MAST4: variants seen among roughly 807,000 people sequenced by gnomAD.
MAST4 encodes the protein microtubule associated serine/threonine kinase family member 4.
A neutral mutation model predicts 162.7 loss-of-function variants in MAST4; 89 were observed. That is an observed-to-expected ratio of 0.55 (90% CI 0.46 to 0.65). The LOEUF (loss-of-function observed/expected upper bound fraction) is 0.65. Ranked by LOEUF, MAST4 falls within the 30% of genes least tolerant of loss-of-function variation. The pLI is 0.00. For synonymous variants in MAST4, 1,479 were observed against 1,361.1 expected (o/e 1.09, Z -1.91); for missense variants, 3,153 against 3,374.0 (o/e 0.93, Z 1.62).
chr5:67,102,601 G>A lies in MAST4; in HGVS notation c.1136G>A (p.Arg379Lys). The change falls in exon 9 of 29, where the codon AGG becomes AAG. Residue 379 changes from arginine (R) to lysine (K), a missense_variant. This residue lies in a region of MAST4 where 360 missense variants were observed against 450.0 expected (regional missense o/e 0.80). Coordinates refer to ENST00000403625, the MANE Select transcript of MAST4 (RefSeq NM_001164664.2). Reference protein sequence around the residue: ...IIMMNHVYKERFPKATAQMEE... With the variant: ...IIMMNHVYKEKFPKATAQMEE... The stretch of plus-strand genomic sequence containing the variant: ...ATGATGAACCATGTCTACAAAGAAA[G>A]GTTCCCAAAGGTAATGAATTGAATT... The A allele has an allele frequency of 6.2e-7, 1 of 1,613,212 alleles. No homozygotes were observed. Among genetic ancestry groups the A allele is most frequent in the East Asian group, 2.2e-5 (1 of 44,884 alleles).
intron 5 of MAST4, among the ~76,000 whole-genome samples, chr5:67,075,743 T>C (rs995390019): frequency 6.6e-6 from 1 of 152,334 alleles, no homozygotes; most frequent in East Asian, 1.9e-4. Context: ...AAGCACTCCC[T>C]TAGGCATTAT....
chr5:67,162,511 C>A, intron 27 of MAST4, 96 bp from the exon 28 acceptor site: 1 of 1,123,270 alleles, frequency 8.9e-7, no homozygotes, highest in South Asian at 1.5e-5. Flanking sequence ...ATCCCTGTCC[C>A]TCACACGGAG....
chr5:66,981,850 C>A (rs538751478), intron 4 of MAST4, among the ~76,000 whole-genome samples: 1 of 152,270 alleles, frequency 6.6e-6, no homozygotes, highest in South Asian at 2.1e-4. Context: ...TCAGTTGGCT[C>A]AGTAATTGTT....
chr5:67,058,434 T>G (rs1179796278), intron 5 of MAST4, among the ~76,000 whole-genome samples: 1 of 152,244 alleles, frequency 6.6e-6, no homozygotes, highest in Non-Finnish European at 1.5e-5. Flanking sequence ...TTTATCTTAC[T>G]GATATTCTCA....
At chr5:66,847,716 G>A (rs552595478) in intron 3 of MAST4, among the ~76,000 whole-genome samples, 2 of 149,842 alleles carry the variant, frequency 1.3e-5, no homozygotes, top group East Asian at 4.0e-4. Context: ...AGCTACTTGG[G>A]AGGCTGAGGC....
rs377376456 is a variant in MAST4, at chr5:66,717,615, C to T, written c.364-42094C>T. On this transcript the variant is annotated intron_variant, in intron 1 of 28. Coordinates refer to ENST00000403625, the MANE Select transcript of MAST4 (RefSeq NM_001164664.2). ...AAGGCTTTCAGAAATGAGTTTCTCA[C>T]TCCACTTGAAGTGGCTTTGCTACTG... Among the ~76,000 whole-genome samples the T allele has an allele frequency of 9.2e-5, 14 of 152,320 alleles. 1 individual carries two copies. In the East Asian group the frequency reaches 2.3e-3, roughly 25 times the overall value.
intron 4 of MAST4, among the ~76,000 whole-genome samples, chr5:67,049,761 CCT>C (rs1479877070): frequency 1.3e-5 from 2 of 152,166 alleles, no homozygotes; most frequent in East Asian, 3.9e-4. Flanking sequence ...GTCGGGGTTT[CCT>C]CTCTTCATTT....
At chr5:67,078,940 A>ATATATATATAT (rs1762267372) in intron 5 of MAST4, among the ~76,000 whole-genome samples, 1 of 95,358 alleles carries the variant, frequency 1.0e-5, no homozygotes, top group Non-Finnish European at 1.9e-5. Context: ...ATATATATAT[A>ATATATATATAT]TATATATATA....
chr5:66,754,070 A>T (rs1470135844), intron 1 of MAST4, among the ~76,000 whole-genome samples: 8 of 152,072 alleles, frequency 5.3e-5, no homozygotes, highest in African/African-American at 1.9e-4. Flanking sequence ...ATATCAATAG[A>T]TGCAGAAAAG....
At chr5:66,870,923 T>G in intron 3 of MAST4, 1 of 462,746 alleles carries the variant, frequency 2.2e-6, no homozygotes, top group South Asian at 1.6e-5. Flanking sequence ...AAACAGGGTG[T>G]GGGGTTTTAT....
In MAST4 at chr5:67,166,806, G is replaced by A. The variant is rs1385676785; in HGVS notation, c.7627G>A (p.Gly2543Arg). The change falls in exon 29 of 29, where the codon GGG becomes AGG. Residue 2543 changes from glycine to arginine, a missense_variant. Physicochemically the swap from Gly to Arg is moderately radical, Grantham distance 125 (BLOSUM62 -2). This residue lies in a region of MAST4 where 1,644 missense variants were observed against 1,495.0 expected (regional missense o/e 1.10). Coordinates refer to ENST00000403625, the MANE Select transcript of MAST4 (RefSeq NM_001164664.2). ...SHHPDPNTMG[G>R]ASHRDRALSV... ...CCACCCCGACCCAAACACCATGGGCGGGGCCAGCCACCGGGACAGGGCTCT... is the reference window on the plus strand; with the variant it reads ...CCACCCCGACCCAAACACCATGGGCAGGGCCAGCCACCGGGACAGGGCTCT... The A allele has an allele frequency of 9.4e-6, 15 of 1,603,808 alleles. No individual in the cohort carries two copies. The highest frequency in any genetic ancestry group is 1.2e-5 in the Non-Finnish European group (14 of 1,175,916).
intron 4 of MAST4, among the ~76,000 whole-genome samples, chr5:67,027,892 C>A (rs1320150530): frequency 6.6e-6 from 1 of 152,172 alleles, no homozygotes; most frequent in Non-Finnish European, 1.5e-5. Flanking sequence ...ACTCTCCATC[C>A]TCTGCATTTA....
At chr5:67,044,752 G>C (rs1381280416) in intron 4 of MAST4, among the ~76,000 whole-genome samples, 1 of 152,142 alleles carries the variant, frequency 6.6e-6, no homozygotes, top group African/African-American at 2.4e-5. Flanking sequence ...GCCTTAACGA[G>C]CCTTCCTGCC....
chr5:67,113,973 A>G (rs752919566), intron 11 of MAST4, 114 bp from the exon 12 acceptor site: 30 of 1,162,788 alleles, frequency 2.6e-5, no homozygotes, highest in African/African-American at 7.8e-5. Context: ...CTTTCTGCAT[A>G]AGTAACTTAC....
At chr5:67,074,416 A>G (rs1761350475) in intron 5 of MAST4, among the ~76,000 whole-genome samples, 1 of 152,174 alleles carries the variant, frequency 6.6e-6, no homozygotes, top group Admixed American at 6.5e-5. Flanking sequence ...AGTTCACATG[A>G]CTTGAACTAT....
At chr5:66,676,686 G>A (rs1580169901) in intron 1 of MAST4, among the ~76,000 whole-genome samples, 1 of 152,174 alleles carries the variant, frequency 6.6e-6, no homozygotes, top group African/African-American at 2.4e-5. Context: ...TTGGCGCCAG[G>A]CTGCCATAAC....
intron 1 of MAST4, among the ~76,000 whole-genome samples, chr5:66,754,589 T>C (rs1753411527): frequency 6.6e-6 from 1 of 152,238 alleles, no homozygotes; most frequent in Non-Finnish European, 1.5e-5. Flanking sequence ...AGATTTGCAA[T>C]TGATTTGCTC....
At chr5:67,051,315 A>G (rs1431235025) in intron 4 of MAST4, among the ~76,000 whole-genome samples, 1 of 152,066 alleles carries the variant, frequency 6.6e-6, no homozygotes, top group Non-Finnish European at 1.5e-5. Flanking sequence ...GTGGCCATGA[A>G]CACCTGGAGA....
chr5:66,860,782 AAAAAC>A (rs1431424033), intron 3 of MAST4, among the ~76,000 whole-genome samples: 6 of 151,838 alleles, frequency 4.0e-5, no homozygotes, highest in South Asian at 2.1e-4. Flanking sequence ...AAAAAAAAAA[AAAAAC>A]AAACAAACCA....
Sources: allele counts gnomAD v4.1 joint callset (sites outside exome capture counted in the v4.1 genomes callset), GRCh38; gene constraint gnomAD v4.1.1; regional missense constraint gnomAD v4.1.1; transcripts MANE v1.5; gene names NCBI Gene and HGNC (gene_info 2026-07-23, HGNC 2026-07-21).